Variants in FGF14 observed in about 807,000 individuals in gnomAD.
FGF14 encodes the protein fibroblast growth factor homologous factor 4.
In FGF14, 5 loss-of-function variants were observed where a neutral mutation model predicts 25.5. The observed-to-expected ratio is 0.20, with a 90% CI of 0.10 to 0.41. The LOEUF is 0.41. FGF14 is among the 10% of genes least tolerant of loss of function. The probability of loss-of-function intolerance (pLI) is 1.00; values close to 1 mark genes in which losing one functional copy is unlikely to be tolerated. For synonymous variants in FGF14, 138 were observed against 118.3 expected (o/e 1.17, Z -1.08); for missense variants, 222 against 320.1 (o/e 0.69, Z 2.34).
At chr13:101,786,905 A>G (rs1424042504) in intron 3 of FGF14, among the ~76,000 whole-genome samples, 1 of 152,102 alleles carries the variant, frequency 6.6e-6, no homozygotes, top group Admixed American at 6.6e-5. Flanking sequence ...AAAAGAACCA[A>G]CTGTCTCCAC....
intron 1 of FGF14, among the ~76,000 whole-genome samples, chr13:102,134,420 G>A (rs2046323947): frequency 6.6e-6 from 1 of 152,216 alleles, no homozygotes; most frequent in Non-Finnish European, 1.5e-5. Context: ...TGGAAAATCA[G>A]TGCTATGATT....
chr13:102,176,098 T>C (rs1037303440), intron 1 of FGF14, among the ~76,000 whole-genome samples: 1 of 152,052 alleles, frequency 6.6e-6, no homozygotes, highest in African/African-American at 2.4e-5. Context: ...AATTGTTATA[T>C]CAAAAAGACA....
chr13:102,382,970 A>G (rs768251691), intron 1 of FGF14, among the ~76,000 whole-genome samples: 1 of 152,156 alleles, frequency 6.6e-6, no homozygotes, highest in Non-Finnish European at 1.5e-5. Flanking sequence ...AGTTACTGCT[A>G]ATAGGTATGG....
At chr13:102,228,228 C>A (rs1201642820) in intron 1 of FGF14, among the ~76,000 whole-genome samples, 1 of 152,134 alleles carries the variant, frequency 6.6e-6, no homozygotes, top group African/African-American at 2.4e-5. Flanking sequence ...GACAGTTTTT[C>A]TTCTCCACCA....
chr13:101,791,602 G>A (rs2140093014), intron 3 of FGF14, among the ~76,000 whole-genome samples: 1 of 152,246 alleles, frequency 6.6e-6, no homozygotes, highest in Non-Finnish European at 1.5e-5. Flanking sequence ...TAGGGAGAGA[G>A]TCAATCATGG....
At chr13:102,301,607 C>A (rs182142207) in intron 1 of FGF14, among the ~76,000 whole-genome samples, 1 of 152,194 alleles carries the variant, frequency 6.6e-6, no homozygotes, top group African/African-American at 2.4e-5. Context: ...TCTTGCTTTA[C>A]CCATTCCCTC....
chr13:101,722,922 AC>A lies in FGF14; in HGVS notation c.652del (p.Val218SerfsTer6). 1 of 1,613,200 alleles carries A rather than the reference AC, an allele frequency of 6.2e-7. No homozygotes were observed. Among genetic ancestry groups the A allele is most frequent in the Non-Finnish European group, 8.5e-7 (1 of 1,179,508 alleles). The part of the protein sequence containing the change: ...EPSLHDVGET[V>X]PKPGVTPSKS... ...ACTTGGCGTCACCCCAGGCTTCGGG[AC>A]CGTTTCCCCAACATCATGCAAAGAT... On this transcript the variant is annotated frameshift_variant, in exon 5 of 5. Coordinates refer to ENST00000376143, the MANE Select transcript of FGF14 (RefSeq NM_004115.4). LOFTEE classifies it high-confidence loss of function.
chr13:101,995,731 T>C (rs755205175), intron 1 of FGF14, among the ~76,000 whole-genome samples: 2 of 152,148 alleles, frequency 1.3e-5, no homozygotes, highest in African/African-American at 2.4e-5. Context: ...AATCAGGGAA[T>C]TCTGCCTAGA....
chr13:101,936,258 T>C (rs1241215563), intron 1 of FGF14, among the ~76,000 whole-genome samples: 3 of 152,184 alleles, frequency 2.0e-5, no homozygotes, highest in African/African-American at 4.8e-5. Flanking sequence ...TTGTGGGCAC[T>C]TACGTGGTCA....
chr13:102,389,893 G>A (rs1014791414), intron 1 of FGF14, among the ~76,000 whole-genome samples: 1 of 152,168 alleles, frequency 6.6e-6, no homozygotes, highest in African/African-American at 2.4e-5. Context: ...GGAGTCCCCT[G>A]TCTTCTGCCA....
intron 3 of FGF14, among the ~76,000 whole-genome samples, chr13:101,755,094 A>T (rs1213219335): frequency 6.6e-6 from 1 of 152,246 alleles, no homozygotes; most frequent in Non-Finnish European, 1.5e-5. Context: ...TATGTGATAT[A>T]GTAATCATAA....
Position 102,343,044 on chromosome 13 carries a change from A to G in FGF14, c.208+58427T>C, listed in dbSNP as rs140071647. ...ATTGCAGGCAAAACTTCCACGAAGG[A>G]TACAGTTTTTGAGAGTAGGCACAGT... On this transcript the variant is annotated intron_variant, in intron 1 of 4. Coordinates refer to the FGF14 transcript ENST00000376131. 2.7e-3 allele frequency among the ~76,000 whole-genome samples: 413 copies of G among 152,290 alleles called. 1 individual carries two copies. Among genetic ancestry groups the G allele is most frequent in the African/African-American group, 9.4e-3 (390 of 41,568 alleles).
intron 1 of FGF14, among the ~76,000 whole-genome samples, chr13:102,009,505 A>T (rs2039973742): frequency 6.6e-6 from 1 of 152,128 alleles, no homozygotes; most frequent in South Asian, 2.1e-4. Context: ...ATTATTTTAC[A>T]ATATGATTTT....
chr13:102,263,153 T>C (rs1051616884), intron 1 of FGF14: 2 of 594,736 alleles, frequency 3.4e-6, no homozygotes, highest in Non-Finnish European at 6.6e-6. Context: ...CTTTTGTTTC[T>C]TGGCCAGGAA....
chr13:101,831,312 C>T (rs925515908), intron 3 of FGF14, among the ~76,000 whole-genome samples: 3 of 151,752 alleles, frequency 2.0e-5, no homozygotes, highest in Admixed American at 2.0e-4. Flanking sequence ...GCACTCCTGG[C>T]CTCAAACAAT....
chr13:102,009,503 A>G (rs2039973459), intron 1 of FGF14, among the ~76,000 whole-genome samples: 1 of 152,144 alleles, frequency 6.6e-6, no homozygotes, highest in East Asian at 1.9e-4. Context: ...AAATTATTTT[A>G]CAATATGATT....
chr13:101,966,658 T>C lies in FGF14; in HGVS notation c.209-91362A>G, dbSNP rs562593207. ...CCACCACGCCCAGCTAATTTTTGTA[T>C]TTTTAGTAGAGATGGGGTTTCACCA... is the stretch of plus-strand genomic sequence containing the variant. On this transcript the variant is annotated intron_variant, in intron 1 of 4. Coordinates refer to the FGF14 transcript ENST00000376131. 4.6e-5 allele frequency among the ~76,000 whole-genome samples: 7 copies of C among 152,170 alleles called. No individual in the cohort carries two copies. The East Asian group carries it at 1.4e-3, about 29-fold the overall frequency.
intron 3 of FGF14, among the ~76,000 whole-genome samples, chr13:101,804,818 G>A (rs374252820): frequency 6.6e-6 from 1 of 151,904 alleles, no homozygotes; most frequent in Non-Finnish European, 1.5e-5. Context: ...GAATTGTTTC[G>A]CATTTAAGAA....
At chr13:101,784,827 C>T (rs1201442610) in intron 3 of FGF14, among the ~76,000 whole-genome samples, 1 of 152,166 alleles carries the variant, frequency 6.6e-6, no homozygotes, top group African/African-American at 2.4e-5. Context: ...TTGATCTTTG[C>T]TTTGGTGCAG....
Sources: gnomAD v4.1 joint callset for allele counts (sites outside exome capture counted in the v4.1 genomes callset) on GRCh38, gnomAD v4.1.1 for gene constraint, MANE v1.5 for transcripts, NCBI Gene and HGNC (gene_info 2026-07-23, HGNC 2026-07-21) for gene names.